The following DIP2C variants were observed in gnomAD, a reference collection of about 807,000 sequenced individuals.
DIP2C encodes DIP2 acetate--CoA ligase C (putative), also known as disco-interacting protein 2 homolog C.
DIP2C carries 33 observed loss-of-function variants against 192.4 expected under a neutral mutation model. The ratio of observed to expected loss-of-function variants is 0.17; its 90% CI spans 0.13 to 0.23. DIP2C has a LOEUF of 0.23. DIP2C is among the 10% of genes least tolerant of loss of function. The pLI is 1.00. For synonymous variants in DIP2C, 979 were observed against 864.1 expected, an observed-to-expected ratio of 1.13 and a Z score of -2.33; for missense variants, 1,537 against 2,110.1, an observed-to-expected ratio of 0.73 and a Z score of 5.32.
At chr10:438,278 C>CA (rs1448585804) in intron 4 of DIP2C, among the ~76,000 whole-genome samples, 1 of 152,232 alleles carries the variant, frequency 6.6e-6, no homozygotes, top group Non-Finnish European at 1.5e-5. Flanking sequence ...CTGCTTCTTC[C>CA]ATTTCAAACT....
At chr10:292,484 T>A (rs1232087921) in intron 32 of DIP2C, among the ~76,000 whole-genome samples, 1 of 152,234 alleles carries the variant, frequency 6.6e-6, no homozygotes, top group Non-Finnish European at 1.5e-5. Context: ...AGAGTTGACA[T>A]GAGGGAACTT....
chr10:556,131 C>A (rs1262299488), intron 1 of DIP2C, among the ~76,000 whole-genome samples: 1 of 138,610 alleles, frequency 7.2e-6, no homozygotes, highest in African/African-American at 2.9e-5. Context: ...CCACCCACCC[C>A]CTTCCACAGC....
At chr10:389,090 GGGGTTCTCTGA>G (rs1177124856) in intron 13 of DIP2C, among the ~76,000 whole-genome samples, 8 of 142,048 alleles carry the variant, frequency 5.6e-5, no homozygotes, top group Admixed American at 2.0e-4. Flanking sequence ...GGGTTCTCTG[GGGGTTCTCTGA>G]GGTCTCAAGG....
intron 17 of DIP2C, among the ~76,000 whole-genome samples, chr10:373,186 T>C (rs994186632): frequency 6.6e-6 from 1 of 152,202 alleles, no homozygotes; most frequent in African/African-American, 2.4e-5. Context: ...CCCAGGACAC[T>C]GAGTGAATCA....
intron 1 of DIP2C, among the ~76,000 whole-genome samples, chr10:613,560 C>G (rs963484671): frequency 3.9e-5 from 6 of 152,318 alleles, no homozygotes; most frequent in African/African-American, 7.2e-5. Flanking sequence ...TGGAAATATG[C>G]GATTCCTTAC....
intron 2 of DIP2C, among the ~76,000 whole-genome samples, chr10:480,873 C>CG (rs1389823014): frequency 1.3e-5 from 2 of 152,200 alleles, no homozygotes; most frequent in Non-Finnish European, 2.9e-5. Flanking sequence ...TACAGCAACG[C>CG]GGTCTAGAAA....
intron 24 of DIP2C, among the ~76,000 whole-genome samples, chr10:354,581 G>T (rs1958984341): frequency 1.3e-5 from 2 of 152,158 alleles, no homozygotes; most frequent in Non-Finnish European, 2.9e-5. Context: ...TAGATTACTG[G>T]ACACATGCTT....
At chr10:506,946 T>C (rs1234297575) in intron 1 of DIP2C, among the ~76,000 whole-genome samples, 2 of 151,410 alleles carry the variant, frequency 1.3e-5, no homozygotes, top group Non-Finnish European at 2.9e-5. Context: ...TGTGAGGGCA[T>C]GGACCCGGTC....
At chr10:627,775 C>G (rs537028786) in intron 1 of DIP2C, among the ~76,000 whole-genome samples, 4 of 152,248 alleles carry the variant, frequency 2.6e-5, no homozygotes, top group Admixed American at 6.5e-5. Flanking sequence ...ACAAACAGAC[C>G]GCACGGCTCA....
intron 17 of DIP2C, among the ~76,000 whole-genome samples, chr10:375,128 G>C (rs2132827155): frequency 6.6e-6 from 1 of 152,350 alleles, no homozygotes; most frequent in Non-Finnish European, 1.5e-5. Flanking sequence ...AACAGAGTCT[G>C]GATGTTTTGT....
chr10:422,803 G>A (rs769167900), intron 5 of DIP2C, 21 bp downstream of exon 5: 1 of 1,603,176 alleles, frequency 6.2e-7, no homozygotes, highest in Non-Finnish European at 8.5e-7. Context: ...GGCACAGAAA[G>A]ACACCGTGAA....
intron 1 of DIP2C, among the ~76,000 whole-genome samples, chr10:527,126 G>A (rs1404373059): frequency 1.3e-5 from 2 of 152,148 alleles, no homozygotes; most frequent in African/African-American, 2.4e-5. Flanking sequence ...TGGATTCTCC[G>A]ACGCCTGCAC....
intron 1 of DIP2C, among the ~76,000 whole-genome samples, chr10:534,623 A>G (rs965571978): frequency 1.3e-5 from 2 of 150,048 alleles, no homozygotes; most frequent in African/African-American, 5.0e-5. Flanking sequence ...AGCCCCATCT[A>G]CCCTCCCAGG....
intron 1 of DIP2C, chr10:664,860 G>A (rs1325278219): frequency 4.6e-5 from 7 of 151,900 alleles, no homozygotes; most frequent in Admixed American, 6.6e-5. Flanking sequence ...CTAAATAGAC[G>A]GGAAAAAACA....
At chr10:373,051 A>G (rs376357709) in intron 17 of DIP2C, among the ~76,000 whole-genome samples, 26 of 152,184 alleles carry the variant, frequency 1.7e-4, no homozygotes, top group African/African-American at 5.5e-4. Context: ...TTCAGATGAG[A>G]AGATTCGGGC....
chr10:440,717 T>G (rs2095496173), intron 4 of DIP2C, among the ~76,000 whole-genome samples, 154 bp downstream of exon 4: 1 of 152,234 alleles, frequency 6.6e-6, no homozygotes, highest in African/African-American at 2.4e-5. Flanking sequence ...CCTTCCACGT[T>G]TAACTCATAC....
At chr10:583,979 G>GCCAGGGTGCTGGGTGGGT (rs2131602268) in intron 1 of DIP2C, among the ~76,000 whole-genome samples, 1 of 152,280 alleles carries the variant, frequency 6.6e-6, no homozygotes, top group African/African-American at 2.4e-5. Flanking sequence ...AGGCGCGGGG[G>GCCAGGGTGCTGGGTGGGT]CCAGGGTGCT....
At chr10:515,101 CGTTA>C (rs1279454547) in intron 1 of DIP2C, among the ~76,000 whole-genome samples, 2 of 152,070 alleles carry the variant, frequency 1.3e-5, no homozygotes, top group Non-Finnish European at 1.5e-5. Flanking sequence ...GAATTATAAA[CGTTA>C]ATTACATAAC....
rs1215802726 is a variant in DIP2C, at chr10:412,316, T to TC, written c.1057+1596dup. ...GAGTGAACACATGCACCCGAACAGT[T>TC]CGGCTGCTCCTGGAATTCCCCGCAT... On this transcript the variant is annotated intron_variant, in intron 8 of 36. Coordinates refer to ENST00000280886, the MANE Select transcript of DIP2C (RefSeq NM_014974.3). Among the ~76,000 whole-genome samples the TC allele has an allele frequency of 2.3e-4, 35 of 152,326 alleles. 1 individual carries two copies. The highest frequency in any genetic ancestry group is 7.9e-4 in the African/African-American group (33 of 41,580).
Sources: gnomAD v4.1 joint callset for allele counts (sites outside exome capture counted in the v4.1 genomes callset) on GRCh38, gnomAD v4.1.1 for gene constraint, MANE v1.5 for transcripts, NCBI Gene and HGNC (gene_info 2026-07-23, HGNC 2026-07-21) for gene names.